GALNT13: variants seen among roughly 807,000 people sequenced by gnomAD.
GALNT13 encodes the protein UDP-GalNAc:polypeptide N-acetylgalactosaminyltransferase 13.
GALNT13 carries 28 observed loss-of-function variants against 64.2 expected under a neutral mutation model. That is an observed-to-expected ratio of 0.44 (90% confidence interval 0.32 to 0.60). GALNT13 has a LOEUF of 0.60. Among genes scored for constraint, GALNT13 ranks in the 20% least tolerant of loss-of-function variants. The probability of loss-of-function intolerance (pLI) is 0.05; values close to 1 mark genes in which losing one functional copy is unlikely to be tolerated. For synonymous variants in GALNT13, 214 were observed against 224.6 expected (o/e 0.95, Z 0.42); for missense variants, 577 against 669.8 (o/e 0.86, Z 1.53).
At chr2:153,411,179 A>ATT in the GALNT13 span, among the ~76,000 whole-genome samples, 715 of 128,288 alleles carry the variant, frequency 5.6e-3, 4 homozygotes, top group Middle Eastern at 8.5e-3. Context: ...ATATATATAT[A>ATT]TTTTTTTTTT....
intron 9 of GALNT13, among the ~76,000 whole-genome samples, chr2:154,388,777 A>G (rs1698636588): frequency 6.6e-6 from 1 of 152,194 alleles, no homozygotes; most frequent in African/African-American, 2.4e-5. Flanking sequence ...GTAAATAACA[A>G]AATAAAGTCC....
chr2:153,954,754 C>T (rs1035121397), intron 3 of GALNT13, among the ~76,000 whole-genome samples: 18 of 151,936 alleles, frequency 1.2e-4, no homozygotes, highest in Admixed American at 5.9e-4. Flanking sequence ...AGAAACTGGG[C>T]TATGGAAAGA....
intron 4 of GALNT13, among the ~76,000 whole-genome samples, chr2:154,204,968 A>G (rs1390512314): frequency 6.6e-6 from 1 of 152,200 alleles, no homozygotes; most frequent in Non-Finnish European, 1.5e-5. Flanking sequence ...TGGCTAACAT[A>G]GTGTGCTCAG....
the GALNT13 span, among the ~76,000 whole-genome samples, chr2:153,482,471 TTTTG>T: frequency 7.2e-5 from 11 of 152,164 alleles, no homozygotes; most frequent in Non-Finnish European, 1.2e-4. Context: ...TGTTTTTTGT[TTTTG>T]TTTTTGTTTT....
chr2:154,042,231 T>G (rs1051889751), intron 3 of GALNT13, among the ~76,000 whole-genome samples: 14 of 139,768 alleles, frequency 1.0e-4, no homozygotes, highest in African/African-American at 3.4e-4. Flanking sequence ...TCTGTTACCT[T>G]GAGCATAAAA....
At chr2:153,749,391 G>C in the GALNT13 span, among the ~76,000 whole-genome samples, 22 of 152,088 alleles carry the variant, frequency 1.4e-4, 1 homozygote, top group East Asian at 4.1e-3. Context: ...TTGATATTTT[G>C]ATAGAGATTG....
At chr2:153,881,535 T>A (rs995342935) in intron 1 of GALNT13, among the ~76,000 whole-genome samples, 2 of 152,196 alleles carry the variant, frequency 1.3e-5, no homozygotes, top group African/African-American at 4.8e-5. Context: ...TTGCTAGTTA[T>A]GAGACACTTC....
intron 9 of GALNT13, among the ~76,000 whole-genome samples, chr2:154,337,898 T>C (rs938183222): frequency 1.3e-5 from 2 of 151,980 alleles, no homozygotes; most frequent in Admixed American, 6.6e-5. Flanking sequence ...TAGTAAAGCT[T>C]TGGGGAACTG....
the GALNT13 span, among the ~76,000 whole-genome samples, chr2:153,679,589 T>A: frequency 1.3e-5 from 2 of 151,936 alleles, no homozygotes; most frequent in Non-Finnish European, 2.9e-5. Context: ...AGAAGACATC[T>A]GTGGATGTCT....
At chr2:153,233,486 T>TAAA in the GALNT13 span, among the ~76,000 whole-genome samples, 692 of 150,450 alleles carry the variant, frequency 4.6e-3, 6 homozygotes, top group African/African-American at 0.016. Context: ...ACCTTATTTT[T>TAAA]AAAAAAAAAA....
the GALNT13 span, among the ~76,000 whole-genome samples, chr2:153,738,381 T>A: frequency 6.6e-6 from 1 of 152,036 alleles, no homozygotes; most frequent in Non-Finnish European, 1.5e-5. Flanking sequence ...AATCTCATGA[T>A]TACTTTTAAA....
intron 8 of GALNT13, among the ~76,000 whole-genome samples, chr2:154,281,825 T>C (rs1691978630): frequency 6.6e-6 from 1 of 151,974 alleles, no homozygotes; most frequent in African/African-American, 2.4e-5. Flanking sequence ...ACCCCCACTC[T>C]GCCCCCACCA....
chr2:153,855,541 C>T, the GALNT13 span, among the ~76,000 whole-genome samples: 2 of 152,118 alleles, frequency 1.3e-5, no homozygotes, highest in Non-Finnish European at 2.9e-5. Context: ...CACAATGAGA[C>T]ACCACTTTTC....
At chr2:154,001,251 G>A (rs2120766) in intron 3 of GALNT13, among the ~76,000 whole-genome samples, 116,287 of 151,764 alleles carry the variant, frequency 0.77, 44,934 homozygotes, top group East Asian at 0.96. Flanking sequence ...TAGTCACTCT[G>A]TCTTTTAATT....
At chr2:153,907,748 G>A (rs550678927) in intron 2 of GALNT13, among the ~76,000 whole-genome samples, 11 of 151,824 alleles carry the variant, frequency 7.2e-5, no homozygotes, top group African/African-American at 2.7e-4. Context: ...TTTTTTGTGT[G>A]TGTGGCTGTA....
chr2:153,758,589 T>C, the GALNT13 span, among the ~76,000 whole-genome samples: 1 of 151,906 alleles, frequency 6.6e-6, no homozygotes, highest in South Asian at 2.1e-4. Flanking sequence ...ATAGGGACAG[T>C]TTGTTTATTT....
intron 8 of GALNT13, among the ~76,000 whole-genome samples, chr2:154,299,959 T>C (rs1693333512): frequency 6.6e-6 from 1 of 152,066 alleles, no homozygotes; most frequent in Admixed American, 6.6e-5. Flanking sequence ...TATTATGACT[T>C]ATTATTTATC....
intron 3 of GALNT13, among the ~76,000 whole-genome samples, chr2:153,956,898 C>T (rs1448145984): frequency 1.3e-5 from 2 of 152,094 alleles, no homozygotes; most frequent in East Asian, 3.9e-4. Flanking sequence ...TCACTTTTAA[C>T]AGTTTTATGT....
rs565522561 is a variant in GALNT13 at position 154,056,902 on chromosome 2, T to C, written c.143-83435T>C. ...AAATTAATTTATTTTAGTTTTAGGTTGAGTTTCTTTGACTCAAGAATTTCT... is the reference window on the plus strand; with the variant it reads ...AAATTAATTTATTTTAGTTTTAGGTCGAGTTTCTTTGACTCAAGAATTTCT... On this transcript the variant is annotated intron_variant, in intron 3 of 12. Transcript: ENST00000392825. 3.6e-4 allele frequency among the ~76,000 whole-genome samples: 54 copies of C among 152,076 alleles called. No individual in the cohort carries two copies. In the South Asian group the frequency reaches 0.011, roughly 31 times the overall value.
Sources: allele counts gnomAD v4.1 joint callset (sites outside exome capture counted in the v4.1 genomes callset), GRCh38; gene constraint gnomAD v4.1.1; transcripts MANE v1.5; gene names NCBI Gene and HGNC (gene_info 2026-07-23, HGNC 2026-07-21).